The following MCTP1 variants were observed in gnomAD, a reference collection of about 807,000 sequenced individuals.
MCTP1 encodes multiple C2 and transmembrane domain containing 1, also known as multiple C2 and transmembrane domain-containing protein 1.
Under a neutral mutation model 120.6 loss-of-function variants are expected in MCTP1, and 69 were observed. That is an observed-to-expected ratio of 0.57 (90% CI 0.47 to 0.70). MCTP1 has a LOEUF of 0.70. Among genes scored for constraint, MCTP1 ranks in the 30% least tolerant of loss-of-function variants. The probability of loss-of-function intolerance (pLI) is 0.00; values close to 1 mark genes in which losing one functional copy is unlikely to be tolerated. For synonymous variants in MCTP1, 529 were observed against 493.1 expected (o/e 1.07, Z -0.96); for missense variants, 1,203 against 1,248.8 (o/e 0.96, Z 0.55).
At chr5:95,132,512 T>C (rs1031475809) in intron 1 of MCTP1, among the ~76,000 whole-genome samples, 2 of 152,230 alleles carry the variant, frequency 1.3e-5, no homozygotes, top group Non-Finnish European at 2.9e-5. Flanking sequence ...AGAATTCCTA[T>C]GTGCAGAAAT....
At chr5:95,041,532 G>A (rs1842364026) in intron 1 of MCTP1, among the ~76,000 whole-genome samples, 2 of 152,068 alleles carry the variant, frequency 1.3e-5, no homozygotes, top group Admixed American at 1.3e-4. Context: ...TCATGAGAAA[G>A]ATACATTTCC....
intron 19 of MCTP1, among the ~76,000 whole-genome samples, chr5:94,728,174 T>C (rs1416554037): frequency 1.3e-5 from 2 of 148,720 alleles, no homozygotes; most frequent in Non-Finnish European, 3.0e-5. Flanking sequence ...GGTTACTTAG[T>C]GGTGTGGATC....
At chr5:95,019,526 A>C (rs1041572788) in intron 1 of MCTP1, among the ~76,000 whole-genome samples, 5 of 151,902 alleles carry the variant, frequency 3.3e-5, no homozygotes, top group African/African-American at 1.2e-4. Flanking sequence ...CTATTGATGG[A>C]CATTTGTGTT....
chr5:95,202,268 T>C (rs1320370461), intron 1 of MCTP1, among the ~76,000 whole-genome samples: 3 of 152,210 alleles, frequency 2.0e-5, no homozygotes, highest in African/African-American at 4.8e-5. Flanking sequence ...TGTCTGACCT[T>C]TGAACTGTAA....
At chr5:95,210,856 T>C (rs1278133544) in intron 1 of MCTP1, among the ~76,000 whole-genome samples, 10 of 152,290 alleles carry the variant, frequency 6.6e-5, no homozygotes, top group Admixed American at 6.5e-4. Flanking sequence ...AGGAGCTCTT[T>C]TAGGGCAGGC....
chr5:95,214,035 G>A (rs1279282562), intron 1 of MCTP1, among the ~76,000 whole-genome samples: 5 of 152,242 alleles, frequency 3.3e-5, no homozygotes, highest in Admixed American at 2.6e-4. Context: ...AAACTAAAGA[G>A]CTTCTGCACA....
At chr5:95,095,750 G>A (rs1420824117) in intron 1 of MCTP1, among the ~76,000 whole-genome samples, 1 of 152,176 alleles carries the variant, frequency 6.6e-6, no homozygotes, top group African/African-American at 2.4e-5. Context: ...TGTACCTTAT[G>A]TTGAATTTGG....
chr5:94,805,742 T>C (rs11953346), intron 17 of MCTP1, among the ~76,000 whole-genome samples: 40,947 of 150,270 alleles, frequency 0.27, 6,600 homozygotes, highest in Non-Finnish European at 0.38. Flanking sequence ...CAGGGACTAT[T>C]ACCTTCCTTT....
intron 17 of MCTP1, among the ~76,000 whole-genome samples, chr5:94,805,181 T>C (rs1782031709): frequency 6.6e-6 from 1 of 152,250 alleles, no homozygotes; most frequent in African/African-American, 2.4e-5. Flanking sequence ...AAATCTTTTA[T>C]CTAAATCAGT....
At chr5:94,869,695 A>C (rs1209510511) in intron 16 of MCTP1, among the ~76,000 whole-genome samples, 1 of 152,118 alleles carries the variant, frequency 6.6e-6, no homozygotes, top group East Asian at 1.9e-4. Context: ...TTTTAGCTGT[A>C]ACAAATACAT....
chr5:95,120,937 A>G (rs986282279), intron 1 of MCTP1, among the ~76,000 whole-genome samples: 3 of 152,156 alleles, frequency 2.0e-5, no homozygotes, highest in African/African-American at 7.2e-5. Context: ...GGAAAAACCT[A>G]AAGACTTCCC....
intron 18 of MCTP1, among the ~76,000 whole-genome samples, chr5:94,785,074 C>G (rs1580677213): frequency 6.6e-6 from 1 of 152,166 alleles, no homozygotes; most frequent in East Asian, 1.9e-4. Flanking sequence ...GGTGCAAAGA[C>G]AGTAAATTTA....
intron 2 of MCTP1, among the ~76,000 whole-genome samples, chr5:94,970,002 TAATAA>T (rs897126222): frequency 2.6e-5 from 4 of 152,186 alleles, no homozygotes; most frequent in South Asian, 2.1e-4. Flanking sequence ...TGGCTTCATA[TAATAA>T]AATAAAAGTA....
chr5:94,818,268 TAC>T (rs781719811), intron 17 of MCTP1, among the ~76,000 whole-genome samples: 1 of 152,172 alleles, frequency 6.6e-6, no homozygotes, highest in Non-Finnish European at 1.5e-5. Context: ...CTTCCACAGA[TAC>T]ACATACAAAA....
At chr5:95,176,342 T>C (rs537273110) in intron 1 of MCTP1, among the ~76,000 whole-genome samples, 8 of 151,970 alleles carry the variant, frequency 5.3e-5, no homozygotes, top group Non-Finnish European at 1.2e-4. Flanking sequence ...CTGGCCACCA[T>C]GGTGAAGCCC....
intron 1 of MCTP1, among the ~76,000 whole-genome samples, chr5:95,018,725 T>C (rs1311677539): frequency 1.3e-5 from 2 of 152,062 alleles, no homozygotes; most frequent in Non-Finnish European, 2.9e-5. Flanking sequence ...ATCTTTGACT[T>C]CTTCATTTGA....
intron 1 of MCTP1, among the ~76,000 whole-genome samples, chr5:95,122,617 A>C (rs1190674931): frequency 6.6e-6 from 1 of 152,212 alleles, no homozygotes; most frequent in Non-Finnish European, 1.5e-5. Context: ...AAATAGAGCT[A>C]CCATACTATC....
chr5:95,024,290 A>C (rs957121318), intron 1 of MCTP1, among the ~76,000 whole-genome samples: 2 of 152,142 alleles, frequency 1.3e-5, no homozygotes, highest in African/African-American at 4.8e-5. Context: ...GAGTGAGATA[A>C]GAGTCTAAAA....
At chr5:94,723,822 T>G (rs1561530659) in intron 19 of MCTP1, among the ~76,000 whole-genome samples, 3 of 151,438 alleles carry the variant, frequency 2.0e-5, no homozygotes, top group African/African-American at 7.3e-5. Flanking sequence ...CATTTTTAAG[T>G]GGCAGCTGGC....
Sources: allele counts gnomAD v4.1 joint callset (sites outside exome capture counted in the v4.1 genomes callset), GRCh38; gene constraint gnomAD v4.1.1; transcripts MANE v1.5; gene names NCBI Gene and HGNC (gene_info 2026-07-23, HGNC 2026-07-21).